The following RPS29 variants were observed in gnomAD, a reference collection of about 807,000 sequenced individuals.
RPS29 encodes small ribosomal subunit protein uS14.
For missense variants in RPS29, 60 were observed against 75.7 expected (o/e 0.79, Z 0.77); for synonymous variants, 37 against 26.9 (o/e 1.37, Z -1.16).
chr14:49,573,545 C>G (rs2139498726), exon 3 of RPS29: 1 of 151,600 alleles, frequency 6.6e-6, no homozygotes, highest in Non-Finnish European at 1.5e-5. Flanking sequence ...CCACACTGGG[C>G]AGAGGACTAT....
At chr14:49,577,896 G>A (rs780543808) in intron 2 of RPS29, 4 of 1,426,492 alleles carry the variant, frequency 2.8e-6, no homozygotes, top group Non-Finnish European at 3.9e-6. Context: ...AAAAAGCAAT[G>A]ATGCCCAACC....
At chr14:49,578,818 T>TA (rs749534518), downstream of RPS29, among the ~76,000 whole-genome samples, 1 of 151,988 alleles carries the variant, frequency 6.6e-6, no homozygotes, top group Non-Finnish European at 1.5e-5. Context: ...CTCAGCCTCC[T>TA]AAAGTGCTGG....
At chr14:49,577,612 T>C in exon 3 of RPS29, 1 of 696,756 alleles carries the variant, frequency 1.4e-6, no homozygotes, top group East Asian at 2.5e-5. Context: ...TGTCTTTTTG[T>C]TTCTCCCATA....
chr14:49,596,778 CTT>C (rs35726560), intron 1 of RPS29, among the ~76,000 whole-genome samples: 55,519 of 133,516 alleles, frequency 0.42, 10,749 homozygotes, highest in Non-Finnish European at 0.49. Context: ...GAGATTGAGG[CTT>C]TTTTTTTTTT....
intron 1 of RPS29, 34 bp downstream of exon 1, chr14:49,586,251 C>G: frequency 6.2e-7 from 1 of 1,606,090 alleles, no homozygotes; most frequent in Non-Finnish European, 8.5e-7. Context: ...CGCTCCACGG[C>G]AACGCTTCCC....
At chr14:49,583,204 G>C (rs1476576562), downstream of RPS29, among the ~76,000 whole-genome samples, 2 of 152,148 alleles carry the variant, frequency 1.3e-5, no homozygotes, top group Non-Finnish European at 2.9e-5. Flanking sequence ...TTAACTCAGA[G>C]AAAATAAGCC....
At chr14:49,593,990 G>A (rs540933456) in intron 1 of RPS29, among the ~76,000 whole-genome samples, 19 of 152,300 alleles carry the variant, frequency 1.2e-4, no homozygotes, top group African/African-American at 4.6e-4. Flanking sequence ...AACATTGACT[G>A]TCTATGAGGT....
At chr14:49,583,868 G>A (rs1394334001) in intron 2 of RPS29, among the ~76,000 whole-genome samples, 193 bp from the exon 3 acceptor site, 1 of 152,176 alleles carries the variant, frequency 6.6e-6, no homozygotes, top group Non-Finnish European at 1.5e-5. Flanking sequence ...GTTTTAGAAC[G>A]ATTTTTAGTA....
In RPS29 at chr14:49,597,128, G is replaced by T. The variant is rs941051192; in HGVS notation, c.-133+1272C>A. Among the ~76,000 whole-genome samples the T allele has an allele frequency of 3.3e-5, 5 of 152,180 alleles. No individual in the cohort carries two copies. The South Asian group carries it at 1.0e-3, about 32-fold the overall frequency. On this transcript the variant is annotated intron_variant, in intron 1 of 3. Coordinates refer to the RPS29 transcript ENST00000556230. ...GGGGTTTCACCATGCTGGCCAGGCT[G>T]GTCTCCAACTCCCGACCTCAGGCGA...
chr14:49,586,525 T>TTGA (rs1319484466), upstream of RPS29: 9 of 630,058 alleles, frequency 1.4e-5, no homozygotes, highest in Non-Finnish European at 2.6e-5. Context: ...GCTGGCCCAG[T>TTGA]TGATGACGTC....
upstream of RPS29, among the ~76,000 whole-genome samples, chr14:49,587,328 C>T (rs1179851086): frequency 6.6e-6 from 1 of 152,120 alleles, no homozygotes; most frequent in African/African-American, 2.4e-5. Flanking sequence ...TGCAAAAAAC[C>T]AATGTCAATA....
chr14:49,578,525 T>C (rs1486817425), intron 2 of RPS29, among the ~76,000 whole-genome samples: 1 of 151,388 alleles, frequency 6.6e-6, no homozygotes, highest in African/African-American at 2.4e-5. Flanking sequence ...CTTTCGGCAA[T>C]TTTGTAGACT....
chr14:49,587,327 C>A (rs1420413846), upstream of RPS29, among the ~76,000 whole-genome samples: 4 of 152,152 alleles, frequency 2.6e-5, no homozygotes, highest in Non-Finnish European at 5.9e-5. Context: ...ATGCAAAAAA[C>A]CAATGTCAAT....
upstream of RPS29, among the ~76,000 whole-genome samples, chr14:49,589,795 T>C (rs1208750913): frequency 6.6e-6 from 1 of 152,220 alleles, no homozygotes; most frequent in East Asian, 1.9e-4. Context: ...ATAGCAATTT[T>C]TTAAGCAACA....
chr14:49,596,902 C>A (rs1881837536), intron 1 of RPS29, among the ~76,000 whole-genome samples: 1 of 147,782 alleles, frequency 6.8e-6, no homozygotes, highest in African/African-American at 2.5e-5. Context: ...CCCCGCCCAA[C>A]TAATTTTTTC....
chr14:49,574,178 TTTTTC>T (rs1881121450), exon 3 of RPS29: 1 of 152,218 alleles, frequency 6.6e-6, no homozygotes, highest in Non-Finnish European at 1.5e-5. Flanking sequence ...GGCTTATTGA[TTTTTC>T]TAGCACTTGC....
chr14:49,590,944 C>G (rs571879937), upstream of RPS29, among the ~76,000 whole-genome samples: 1 of 152,240 alleles, frequency 6.6e-6, no homozygotes, highest in Admixed American at 6.5e-5. Flanking sequence ...TCCCCCTCAG[C>G]CTCCCAAAGT....
At chr14:49,595,102 C>T (rs1204716391) in intron 1 of RPS29, among the ~76,000 whole-genome samples, 1 of 152,068 alleles carries the variant, frequency 6.6e-6, no homozygotes, top group Non-Finnish European at 1.5e-5. Flanking sequence ...ATATTTTTCT[C>T]CAGTCTTTTT....
intron 2 of RPS29, among the ~76,000 whole-genome samples, 200 bp from the exon 3 acceptor site, chr14:49,583,875 A>G (rs1881419841): frequency 1.3e-5 from 2 of 152,264 alleles, no homozygotes; most frequent in South Asian, 2.1e-4. Context: ...AACGATTTTT[A>G]GTAACGCTAT....
Sources: allele counts gnomAD v4.1 joint callset (sites outside exome capture counted in the v4.1 genomes callset), GRCh38; gene constraint gnomAD v4.1.1; transcripts MANE v1.5; gene names NCBI Gene and HGNC (gene_info 2026-07-23, HGNC 2026-07-21).